Variants in FHL1 observed in about 807,000 individuals in gnomAD.
FHL1 encodes the protein four and a half LIM domains 1.
A neutral mutation model predicts 20.3 loss-of-function variants in FHL1; 1 was observed. That is an observed-to-expected ratio of 0.05 (90% confidence interval 0.02 to 0.23). The LOEUF is 0.23. FHL1 is among the 10% of genes least tolerant of loss of function. FHL1 has a pLI of 1.00. For synonymous variants in FHL1, 82 were observed against 88.9 expected (o/e 0.92, Z 0.44); for missense variants, 177 against 234.0 (o/e 0.76, Z 1.59).
At chrX:136,209,614 C>T (rs1260059521) in intron 5 of FHL1, among the ~76,000 whole-genome samples, 1 of 110,262 alleles carries the variant, frequency 9.1e-6, no homozygotes, top group Non-Finnish European at 1.9e-5. Context: ...AGCCCTTGGC[C>T]GGGCTTCAGC....
chrX:136,182,918 G>A (rs898621860), intron 2 of FHL1: 1 of 111,048 alleles, frequency 9.0e-6, no homozygotes, highest in Non-Finnish European at 1.9e-5. Flanking sequence ...CCAACATGGC[G>A]AAACCCTGTC....
intron 1 of FHL1, among the ~76,000 whole-genome samples, chrX:136,164,379 G>A (rs994047873): frequency 2.7e-5 from 3 of 109,652 alleles, no homozygotes; most frequent in African/African-American, 9.9e-5. Context: ...GCTCATTTTT[G>A]TATTTTCAGT....
At chrX:136,157,718 C>T (rs1279971393) in intron 1 of FHL1, among the ~76,000 whole-genome samples, 5 of 111,436 alleles carry the variant, frequency 4.5e-5, no homozygotes, top group African/African-American at 1.3e-4. Context: ...GGATCTTCCT[C>T]TATAAAAAGA....
chrX:136,191,672 G>A (rs899903572), intron 2 of FHL1, among the ~76,000 whole-genome samples: 1 of 112,332 alleles, frequency 8.9e-6, no homozygotes, highest in Non-Finnish European at 1.9e-5. Context: ...AAGATAGATC[G>A]TATGTTACTA....
At chrX:136,186,871 TATATATATATAGATAGATAGATAG>T (rs1457189485) in intron 2 of FHL1, among the ~76,000 whole-genome samples, 38 of 58,859 alleles carry the variant, frequency 6.5e-4, no homozygotes, top group East Asian at 2.0e-3. Flanking sequence ...AAAAAATATA[TATATATATATAGATAGATAGATAG>T]ATAGATAGAT....
intron 5 of FHL1, chrX:136,209,284 G>A (rs1432870766): frequency 8.3e-7 from 1 of 1,211,031 alleles, no homozygotes; most frequent in East Asian, 3.0e-5. Context: ...AGTCTCTAAA[G>A]CTAGGAAGCC....
intron 2 of FHL1, among the ~76,000 whole-genome samples, chrX:136,184,166 G>A (rs1316087322): frequency 8.9e-6 from 1 of 111,819 alleles, no homozygotes; most frequent in East Asian, 2.8e-4. Flanking sequence ...GTTACAAAGG[G>A]ATTAACTCAC....
intron 1 of FHL1, among the ~76,000 whole-genome samples, chrX:136,159,700 A>T (rs775592229): frequency 4.5e-4 from 50 of 112,214 alleles, no homozygotes; most frequent in Non-Finnish European, 8.1e-4. Flanking sequence ...CTCCAATGCT[A>T]TGTCTAGTTG....
At chrX:136,159,468 G>A (rs188620988) in intron 1 of FHL1, among the ~76,000 whole-genome samples, 17 of 111,863 alleles carry the variant, frequency 1.5e-4, no homozygotes, top group Middle Eastern at 4.6e-3. Flanking sequence ...CTTAAACGCG[G>A]GAGGCAGAGG....
chrX:136,208,714 C>T (rs748861507), intron 5 of FHL1, 73 bp downstream of exon 5: 26 of 1,037,950 alleles, frequency 2.5e-5, no homozygotes, highest in East Asian at 6.1e-5. Flanking sequence ...ATTTTCCTGT[C>T]GTCGGTTTCA....
chrX:136,196,166 G>A (rs1298327819), upstream of FHL1, among the ~76,000 whole-genome samples: 2 of 110,758 alleles, frequency 1.8e-5, no homozygotes, highest in Admixed American at 9.6e-5. Context: ...GGGCACAGGG[G>A]ACAGTGAGGA....
At chrX:136,156,211 A>G (rs2072411494) in intron 1 of FHL1, among the ~76,000 whole-genome samples, 1 of 111,514 alleles carries the variant, frequency 9.0e-6, no homozygotes, top group South Asian at 3.7e-4. Flanking sequence ...TAAGCATTTT[A>G]CTGTTTCTTT....
At chrX:136,170,460 G>A (rs1017380236) in intron 2 of FHL1, among the ~76,000 whole-genome samples, 9 of 111,258 alleles carry the variant, frequency 8.1e-5, no homozygotes, top group Non-Finnish European at 1.7e-4. Flanking sequence ...GCCAAAGAGT[G>A]CTTCTGCTCG....
intron 2 of FHL1, among the ~76,000 whole-genome samples, chrX:136,190,380 A>C (rs143219928): frequency 8.9e-6 from 1 of 112,030 alleles, no homozygotes. Context: ...AACCTAGTCC[A>C]TATCTCTCTC....
chrX:136,209,723 G>A (rs755471982), intron 5 of FHL1, 148 bp from the exon 6 acceptor site: 3 of 661,463 alleles, frequency 4.5e-6, no homozygotes, highest in South Asian at 5.7e-5. Flanking sequence ...GAGGGGGTCT[G>A]GGAGCCAGGC....
At chrX:136,148,652 A>C (rs754536687) in intron 1 of FHL1, 2 of 111,725 alleles carry the variant, frequency 1.8e-5, no homozygotes, top group East Asian at 5.6e-4. Context: ...TAAAGGTTAA[A>C]AAATCATCAA....
At chrX:136,180,797 A>G (rs1192797560) in intron 2 of FHL1, among the ~76,000 whole-genome samples, 1 of 51,304 alleles carries the variant, frequency 1.9e-5, no homozygotes, top group Non-Finnish European at 5.3e-5. Flanking sequence ...GCTGGAGTGC[A>G]AAGGCGTGAT....
intron 5 of FHL1, 61 bp downstream of exon 5, chrX:136,208,702 T>C (rs2073918794): frequency 1.8e-6 from 2 of 1,082,389 alleles, no homozygotes; most frequent in African/African-American, 1.8e-5. Flanking sequence ...TAACCATCTC[T>C]CATTTTCCTG....
Position 136,209,926 on chromosome X carries a change from C to T in FHL1, c.792C>T (p.Tyr264=), listed in dbSNP as rs755385158. 31 of 1,208,866 alleles carry T rather than the reference C, an allele frequency of 2.6e-5. No individual in the cohort carries two copies. The highest frequency in any genetic ancestry group is 3.4e-5 in the Non-Finnish European group (30 of 895,026). ...ATGAAGGACAATCCTGGCACGACTA[C>T]TGCTTCCACTGCAAAAAATGCTCCG... ...VAYEGQSWHD[Y]CFHCKKCSVN... The change falls in exon 6 of 6, where the codon TAC becomes TAT. Residue 264 remains tyrosine (Y), a synonymous_variant. Transcript: ENST00000370683.
Sources: allele counts gnomAD v4.1 joint callset (sites outside exome capture counted in the v4.1 genomes callset), GRCh38; gene constraint gnomAD v4.1.1; transcripts MANE v1.5; gene names NCBI Gene and HGNC (gene_info 2026-07-23, HGNC 2026-07-21).